The following HOMER1 variants were observed in gnomAD, a reference collection of about 807,000 sequenced individuals.
HOMER1 encodes homer scaffold protein 1.
In HOMER1, 3 loss-of-function variants were observed where a neutral mutation model predicts 48.9. That is an observed-to-expected ratio of 0.06 (90% CI 0.03 to 0.16). The LOEUF is 0.16. HOMER1 is among the 10% of genes least tolerant of loss of function. The pLI, the probability that HOMER1 is intolerant of heterozygous loss-of-function variation, is 1.00. For missense variants in HOMER1, 247 were observed against 411.4 expected (o/e 0.60, Z 3.46); for synonymous variants, 134 against 146.4 (o/e 0.92, Z 0.61).
intron 5 of HOMER1, among the ~76,000 whole-genome samples, chr5:79,404,987 G>A (rs1055906316): frequency 2.6e-5 from 4 of 152,050 alleles, no homozygotes; most frequent in Non-Finnish European, 5.9e-5. Flanking sequence ...GGGATTACAG[G>A]CATGAGCCAT....
At chr5:79,493,160 C>T (rs545303396) in intron 1 of HOMER1, among the ~76,000 whole-genome samples, 40 of 152,182 alleles carry the variant, frequency 2.6e-4, no homozygotes, top group African/African-American at 8.4e-4. Flanking sequence ...CTCAGGCGAT[C>T]GCCTGTCTCA....
intron 1 of HOMER1, among the ~76,000 whole-genome samples, chr5:79,496,872 C>T (rs1295450620): frequency 6.6e-6 from 1 of 151,826 alleles, no homozygotes; most frequent in Non-Finnish European, 1.5e-5. Flanking sequence ...CGAGACCAGC[C>T]TGGCCAACAT....
Position 79,375,318 on chromosome 5 carries a change from A to C in HOMER1, c.*691T>G, listed in dbSNP as rs1381150609. ...GGAGACAATATCTTCTCATAAATAC[A>C]TGGAATCAATATGGAAAAGTAAACT... is the stretch of plus-strand genomic sequence containing the variant. On this transcript the variant is annotated 3_prime_UTR_variant, in exon 9 of 9. Coordinates refer to ENST00000334082, the MANE Select transcript of HOMER1 (RefSeq NM_004272.5). The C allele has an allele frequency of 6.6e-6, 1 of 152,120 alleles. No individual in the cohort carries two copies. The highest frequency in any genetic ancestry group is 1.5e-5 in the Non-Finnish European group (1 of 67,956). 9.4% of individuals were successfully genotyped at this position (152,120 alleles called of 1,614,324 possible).
At chr5:79,422,212 G>A (rs1026430670) in intron 5 of HOMER1, among the ~76,000 whole-genome samples, 3 of 151,072 alleles carry the variant, frequency 2.0e-5, no homozygotes, top group Non-Finnish European at 2.9e-5. Context: ...GGGTGACAGA[G>A]GGAGGCTCCA....
intron 1 of HOMER1, among the ~76,000 whole-genome samples, chr5:79,487,576 A>C (rs1009649104): frequency 5.3e-5 from 8 of 152,196 alleles, no homozygotes; most frequent in Non-Finnish European, 1.0e-4. Flanking sequence ...AGATTGTGAA[A>C]AATTCTACAG....
At chr5:79,511,607 G>C (rs1752945272) in intron 1 of HOMER1, among the ~76,000 whole-genome samples, 1 of 152,152 alleles carries the variant, frequency 6.6e-6, no homozygotes, top group African/African-American at 2.4e-5. Flanking sequence ...AATCATGCAA[G>C]TTATATATAT....
intron 4 of HOMER1, among the ~76,000 whole-genome samples, chr5:79,441,491 G>C (rs1464108605): frequency 1.3e-5 from 2 of 151,968 alleles, no homozygotes; most frequent in Non-Finnish European, 2.9e-5. Flanking sequence ...AAGGGATAGA[G>C]GTTGTAGCAA....
chr5:79,461,481 A>C (rs1751316763), intron 1 of HOMER1, among the ~76,000 whole-genome samples: 2 of 152,254 alleles, frequency 1.3e-5, no homozygotes, highest in Admixed American at 1.3e-4. Flanking sequence ...GTCCATGTTC[A>C]AACAAGTTTC....
chr5:79,494,389 T>G (rs1157727559), intron 1 of HOMER1, among the ~76,000 whole-genome samples: 1 of 152,216 alleles, frequency 6.6e-6, no homozygotes, highest in Non-Finnish European at 1.5e-5. Flanking sequence ...CTCCTCTTGG[T>G]TCCCTTTATC....
chr5:79,447,364 A>C (rs1034727209), intron 3 of HOMER1, among the ~76,000 whole-genome samples: 4 of 152,200 alleles, frequency 2.6e-5, no homozygotes, highest in Non-Finnish European at 4.4e-5. Context: ...TCTTATTCAA[A>C]ACATCATGAT....
chr5:79,384,581 T>C (rs1026751710), intron 8 of HOMER1, among the ~76,000 whole-genome samples: 35 of 152,110 alleles, frequency 2.3e-4, no homozygotes, highest in African/African-American at 8.0e-4. Context: ...AAATAACTAA[T>C]ACCAATCCTC....
At chr5:79,492,638 G>T (rs1021506299) in intron 1 of HOMER1, among the ~76,000 whole-genome samples, 1 of 152,136 alleles carries the variant, frequency 6.6e-6, no homozygotes, top group African/African-American at 2.4e-5. Context: ...GCCCTCAAAA[G>T]ACCTCTAAGA....
chr5:79,468,658 C>T (rs1751540673), intron 1 of HOMER1, among the ~76,000 whole-genome samples: 1 of 152,140 alleles, frequency 6.6e-6, no homozygotes, highest in Non-Finnish European at 1.5e-5. Flanking sequence ...TGCACTGTTA[C>T]AAAATAGCAT....
chr5:79,414,581 G>A (rs1442532396), intron 5 of HOMER1, among the ~76,000 whole-genome samples: 1 of 152,010 alleles, frequency 6.6e-6, no homozygotes, highest in African/African-American at 2.4e-5. Context: ...GTCTTGTTAT[G>A]TTGCCCAGGC....
chr5:79,507,212 C>CAAAAAAAAAA (rs34697575), intron 1 of HOMER1, among the ~76,000 whole-genome samples: 3 of 51,900 alleles, frequency 5.8e-5, no homozygotes, highest in Admixed American at 2.5e-4. Flanking sequence ...GGCTCTATCT[C>CAAAAAAAAAA]AAAAAAAAAA....
intron 1 of HOMER1, among the ~76,000 whole-genome samples, chr5:79,512,216 T>TA (rs1372499158): frequency 1.3e-5 from 2 of 152,252 alleles, no homozygotes; most frequent in Non-Finnish European, 2.9e-5. Context: ...ACCGCATCAG[T>TA]AAGACTGAAT....
intron 1 of HOMER1, among the ~76,000 whole-genome samples, chr5:79,483,918 G>A (rs1752020093): frequency 6.6e-6 from 1 of 151,884 alleles, no homozygotes; most frequent in Non-Finnish European, 1.5e-5. Context: ...GCCGGGTGTG[G>A]TGGTGGGTGC....
At chr5:79,503,258 C>G (rs1752654383) in intron 1 of HOMER1, among the ~76,000 whole-genome samples, 1 of 152,118 alleles carries the variant, frequency 6.6e-6, no homozygotes, top group African/African-American at 2.4e-5. Context: ...GCAGGCCAGG[C>G]ATGGCGGCTC....
At chr5:79,426,430 T>C (rs1750256970) in intron 5 of HOMER1, among the ~76,000 whole-genome samples, 1 of 152,118 alleles carries the variant, frequency 6.6e-6, no homozygotes, top group African/African-American at 2.4e-5. Flanking sequence ...TGGTACTATA[T>C]GTGTTACATA....
Sources: allele counts gnomAD v4.1 joint callset (sites outside exome capture counted in the v4.1 genomes callset), GRCh38; gene constraint gnomAD v4.1.1; transcripts MANE v1.5; gene names NCBI Gene and HGNC (gene_info 2026-07-23, HGNC 2026-07-21).